Variants in MCM5 observed in about 807,000 individuals in gnomAD.
MCM5 encodes the protein minichromosome maintenance complex component 5.
A neutral mutation model predicts 79.9 loss-of-function variants in MCM5; 46 were observed. That is an observed-to-expected ratio of 0.58 (90% CI 0.45 to 0.74). The LOEUF is 0.74. Among genes scored for constraint, MCM5 ranks in the 30% least tolerant of loss-of-function variants. MCM5 has a pLI of 0.00. For missense variants in MCM5, 883 were observed against 1,017.0 expected (o/e 0.87, Z 1.79); for synonymous variants, 404 against 390.5 (o/e 1.03, Z -0.41).
chr22:35,439,199 TCATC>T, the MCM5 span, among the ~76,000 whole-genome samples: 6 of 136,820 alleles, frequency 4.4e-5, no homozygotes, highest in Admixed American at 1.5e-4. Context: ...ACCCACAAAT[TCATC>T]CATCCATTCA....
Position 35,416,735 on chromosome 22 carries a change from T to C in MCM5, c.1511T>C (p.Ile504Thr), listed in dbSNP as rs771365730. The part of the protein sequence containing the change: ...RWDETKGEDN[I>T]DFMPTILSRF... Reference sequence around the variant, plus strand: ...GATGAGACGAAGGGGGAGGACAACATTGACTTCATGCCCACCATCTTGTCG... The same window carrying C: ...GATGAGACGAAGGGGGAGGACAACACTGACTTCATGCCCACCATCTTGTCG... The change falls in exon 12 of 17, where the codon ATT becomes ACT. Residue 504 changes from isoleucine (I) to threonine (T), a missense_variant. Transcript: ENST00000216122. The C allele has an allele frequency of 4.3e-6, 7 of 1,613,976 alleles. No individual in the cohort carries two copies. Among genetic ancestry groups the C allele is most frequent in the South Asian group, 1.1e-5 (1 of 91,084 alleles).
At chr22:35,453,827 G>C in the MCM5 span, among the ~76,000 whole-genome samples, 1 of 137,382 alleles carries the variant, frequency 7.3e-6, no homozygotes, top group Non-Finnish European at 1.6e-5. Flanking sequence ...TATAGAGAGA[G>C]AGAGAGAGAG....
At chr22:35,407,089 C>T (rs933707452) in intron 5 of MCM5, among the ~76,000 whole-genome samples, 2 of 152,032 alleles carry the variant, frequency 1.3e-5, no homozygotes, top group South Asian at 2.1e-4. Context: ...GGAACACGTT[C>T]GTTCATTTAA....
chr22:35,410,523 T>C (rs1244906381), intron 6 of MCM5: 31 of 527,176 alleles, frequency 5.9e-5, no homozygotes, highest in Non-Finnish European at 2.8e-5. Flanking sequence ...TGGCTGTCAC[T>C]GTGGGCAACA....
intron 12 of MCM5, among the ~76,000 whole-genome samples, chr22:35,417,304 A>G (rs1200592265): frequency 6.6e-6 from 1 of 152,172 alleles, no homozygotes; most frequent in East Asian, 1.9e-4. Flanking sequence ...TTGTGGTGGC[A>G]AAGACAAAAT....
chr22:35,447,169 C>G, the MCM5 span, among the ~76,000 whole-genome samples: 8 of 152,170 alleles, frequency 5.3e-5, no homozygotes, highest in African/African-American at 1.9e-4. Context: ...CTGCGTCCCT[C>G]TCGGTGTTGC....
At chr22:35,438,163 T>C in the MCM5 span, among the ~76,000 whole-genome samples, 1 of 152,136 alleles carries the variant, frequency 6.6e-6, no homozygotes, top group Admixed American at 6.6e-5. Flanking sequence ...GCTCTTAGCC[T>C]GGGAACTGCT....
chr22:35,408,430 T>A lies in MCM5; in HGVS notation c.619T>A (p.Cys207Ser). The change falls in exon 6 of 17, where the codon TGC becomes AGC. Residue 207 changes from cysteine (C) to serine (S), a missense_variant. By Grantham distance (112) the Cys-to-Ser change is moderately radical. Coordinates refer to ENST00000216122, the MANE Select transcript of MCM5 (RefSeq NM_006739.4). The part of the protein sequence containing the change: ...CNTDQAGRPK[C>S]PLDPYFIMPD... ...CAGAGATCAGGCTGGGCGCCCCAAA[T>A]GCCCATTGGACCCGTACTTCATCAT... 6.2e-7 allele frequency: 1 copy of A among 1,614,130 alleles called. No homozygotes were observed. The highest frequency in any genetic ancestry group is 8.5e-7 in the Non-Finnish European group (1 of 1,179,956).
At chr22:35,401,026 G>A (rs1005343100) in intron 2 of MCM5, among the ~76,000 whole-genome samples, 6 of 152,084 alleles carry the variant, frequency 3.9e-5, no homozygotes, top group African/African-American at 7.2e-5. Flanking sequence ...CGCCATGTTC[G>A]CCAGGCTGCT....
chr22:35,417,633 G>A, intron 12 of MCM5, 111 bp from the exon 13 acceptor site: 10 of 759,718 alleles, frequency 1.3e-5, no homozygotes, highest in East Asian at 1.2e-4. Flanking sequence ...CACCCTTTCC[G>A]GCTCCTTGAT....
chr22:35,402,331 G>GTT (rs1196712784), intron 2 of MCM5, among the ~76,000 whole-genome samples: 2 of 141,836 alleles, frequency 1.4e-5, no homozygotes, highest in African/African-American at 2.6e-5. Flanking sequence ...TTTGTTTTTT[G>GTT]TTTTTTTTTT....
the MCM5 span, among the ~76,000 whole-genome samples, chr22:35,453,216 G>C: frequency 6.6e-6 from 1 of 152,344 alleles, no homozygotes; most frequent in Middle Eastern, 3.4e-3. Context: ...CTGGGTCCAG[G>C]CACAGACACT....
chr22:35,443,420 C>T, the MCM5 span, among the ~76,000 whole-genome samples: 17 of 152,156 alleles, frequency 1.1e-4, no homozygotes, highest in African/African-American at 4.1e-4. Flanking sequence ...AACTCCTGGC[C>T]TCAAGCGATC....
chr22:35,432,445 C>CTT, the MCM5 span, among the ~76,000 whole-genome samples: 2 of 152,132 alleles, frequency 1.3e-5, no homozygotes, highest in Non-Finnish European at 2.9e-5. Flanking sequence ...TACTGTGTGA[C>CTT]GGTTCTGTTC....
intron 4 of MCM5, among the ~76,000 whole-genome samples, chr22:35,404,093 C>G (rs1008624487): frequency 1.2e-4 from 19 of 152,098 alleles, no homozygotes; most frequent in African/African-American, 4.6e-4. Context: ...GCCTGGGTGA[C>G]AGAGCAAGAC....
At chr22:35,417,352 C>T (rs1932572113) in intron 12 of MCM5, among the ~76,000 whole-genome samples, 1 of 152,156 alleles carries the variant, frequency 6.6e-6, no homozygotes, top group Non-Finnish European at 1.5e-5. Flanking sequence ...TAACAGCCCC[C>T]AGGAAAGAGG....
At chr22:35,413,802 A>G (rs753985388) in intron 8 of MCM5, 73 bp from the exon 9 acceptor site, 2 of 876,122 alleles carry the variant, frequency 2.3e-6, no homozygotes, top group Admixed American at 3.5e-5. Flanking sequence ...CCAGCCCACC[A>G]ATCTGGTGAC....
the MCM5 span, among the ~76,000 whole-genome samples, chr22:35,454,809 T>G: frequency 6.6e-6 from 1 of 152,116 alleles, no homozygotes; most frequent in South Asian, 2.1e-4. Context: ...TGGGCCTGGA[T>G]AAGTCTCCGT....
the MCM5 span, among the ~76,000 whole-genome samples, chr22:35,430,531 C>T: frequency 4.1e-5 from 6 of 147,468 alleles, no homozygotes; most frequent in South Asian, 2.2e-4. Flanking sequence ...GATGGAGTCT[C>T]GCTCTGTCGC....
Sources: gnomAD v4.1 joint callset for allele counts (sites outside exome capture counted in the v4.1 genomes callset) on GRCh38, gnomAD v4.1.1 for gene constraint, MANE v1.5 for transcripts, NCBI Gene and HGNC (gene_info 2026-07-23, HGNC 2026-07-21) for gene names.